The following CNTN4 variants were observed in gnomAD, a reference collection of about 807,000 sequenced individuals.
CNTN4 encodes the protein contactin-4.
A neutral mutation model predicts 122.5 loss-of-function variants in CNTN4; 77 were observed. The ratio of observed to expected loss-of-function variants is 0.63; its 90% confidence interval spans 0.52 to 0.76. CNTN4 has a LOEUF of 0.76. Among genes scored for constraint, CNTN4 ranks in the 30% least tolerant of loss-of-function variants. The probability of loss-of-function intolerance (pLI) is 0.00; values close to 1 mark genes in which losing one functional copy is unlikely to be tolerated. For synonymous variants in CNTN4, 512 were observed against 447.0 expected, an observed-to-expected ratio of 1.15 and a Z score of -1.83; for missense variants, 1,256 against 1,259.1, an observed-to-expected ratio of 1.00 and a Z score of 0.04.
At chr3:2,347,558 C>A (rs954887829) in intron 3 of CNTN4, among the ~76,000 whole-genome samples, 2 of 151,932 alleles carry the variant, frequency 1.3e-5, no homozygotes, top group Non-Finnish European at 2.9e-5. Flanking sequence ...TACAGGTGCC[C>A]ATCATCACAC....
At chr3:2,406,920 T>C (rs912988398) in intron 3 of CNTN4, among the ~76,000 whole-genome samples, 5 of 152,190 alleles carry the variant, frequency 3.3e-5, no homozygotes, top group Non-Finnish European at 5.9e-5. Context: ...AAATATGATA[T>C]AGCAGGTAAA....
intron 2 of CNTN4, among the ~76,000 whole-genome samples, chr3:2,138,617 AG>A (rs2034828710): frequency 6.6e-6 from 1 of 152,166 alleles, no homozygotes; most frequent in African/African-American, 2.4e-5. Context: ...AAAATACCGA[AG>A]GGGAAAAATT....
At chr3:2,987,521 A>G (rs1330647391) in intron 13 of CNTN4, among the ~76,000 whole-genome samples, 1 of 152,232 alleles carries the variant, frequency 6.6e-6, no homozygotes, top group Non-Finnish European at 1.5e-5. Flanking sequence ...CTGAAATAAA[A>G]GAGAAATTTA....
At chr3:2,708,273 C>G (rs777714478) in intron 4 of CNTN4, among the ~76,000 whole-genome samples, 19 of 152,096 alleles carry the variant, frequency 1.2e-4, no homozygotes, top group Non-Finnish European at 2.4e-4. Context: ...GACAAGATAT[C>G]TTCATTTGCT....
intron 2 of CNTN4, among the ~76,000 whole-genome samples, chr3:2,179,807 C>T (rs1215599647): frequency 6.6e-6 from 1 of 151,734 alleles, no homozygotes; most frequent in Non-Finnish European, 1.5e-5. Context: ...ATGTGAGCTA[C>T]GTAGCCAAAT....
At chr3:2,161,274 T>C (rs566010638) in intron 2 of CNTN4, among the ~76,000 whole-genome samples, 1 of 152,252 alleles carries the variant, frequency 6.6e-6, no homozygotes, top group African/African-American at 2.4e-5. Flanking sequence ...TAGGCCATGT[T>C]AAGTTTTCTG....
chr3:2,560,006 G>A (rs2078883201), intron 3 of CNTN4, among the ~76,000 whole-genome samples: 1 of 152,136 alleles, frequency 6.6e-6, no homozygotes, highest in African/African-American at 2.4e-5. Flanking sequence ...AATACATAAT[G>A]GCACAGGATC....
intron 2 of CNTN4, among the ~76,000 whole-genome samples, chr3:2,134,547 G>C (rs1176400306): frequency 6.6e-6 from 1 of 152,296 alleles, no homozygotes; most frequent in Non-Finnish European, 1.5e-5. Flanking sequence ...TATGTCCTCA[G>C]TTTTCTTGAT....
chr3:2,840,885 C>T (rs1190596756), intron 7 of CNTN4, among the ~76,000 whole-genome samples: 1 of 151,918 alleles, frequency 6.6e-6, no homozygotes, highest in Non-Finnish European at 1.5e-5. Context: ...AAGTGAAAGG[C>T]TTGCATAAGG....
At chr3:2,522,197 T>A (rs1559633431) in intron 3 of CNTN4, among the ~76,000 whole-genome samples, 2 of 148,798 alleles carry the variant, frequency 1.3e-5, no homozygotes, top group African/African-American at 4.9e-5. Flanking sequence ...GTGTGAATAA[T>A]TAATATGAAA....
intron 13 of CNTN4, among the ~76,000 whole-genome samples, chr3:2,932,395 TA>T (rs1161348177): frequency 6.6e-6 from 1 of 151,908 alleles, no homozygotes; most frequent in African/African-American, 2.4e-5. Flanking sequence ...AAATAAAAAA[TA>T]AAAAATAAGT....
At chr3:2,833,353 C>G (rs2093144089) in intron 7 of CNTN4, among the ~76,000 whole-genome samples, 1 of 152,096 alleles carries the variant, frequency 6.6e-6, no homozygotes, top group South Asian at 2.1e-4. Context: ...ATAAGCATGG[C>G]TAACTAGGTA....
intron 4 of CNTN4, among the ~76,000 whole-genome samples, chr3:2,605,525 A>G (rs1031020709): frequency 2.0e-5 from 3 of 151,990 alleles, no homozygotes; most frequent in African/African-American, 7.3e-5. Flanking sequence ...CTCTGTGGAG[A>G]ATAATCTATA....
intron 19 of CNTN4, 47 bp from the exon 20 acceptor site, chr3:3,039,990 G>C: frequency 1.5e-6 from 2 of 1,321,120 alleles, no homozygotes; most frequent in Non-Finnish European, 2.2e-6. Flanking sequence ...TTTTGCATTT[G>C]AGTGAAACTA....
intron 2 of CNTN4, among the ~76,000 whole-genome samples, chr3:2,323,671 G>T (rs961180413): frequency 6.6e-6 from 1 of 151,996 alleles, no homozygotes; most frequent in African/African-American, 2.4e-5. Flanking sequence ...GGCAGAATTT[G>T]GTCAAAGCAA....
intron 3 of CNTN4, among the ~76,000 whole-genome samples, chr3:2,374,523 T>C (rs1052842812): frequency 1.3e-5 from 2 of 152,216 alleles, no homozygotes; most frequent in African/African-American, 4.8e-5. Context: ...AGAAGTCCTC[T>C]GCATTTTCAC....
intron 4 of CNTN4, among the ~76,000 whole-genome samples, chr3:2,710,637 A>G (rs2087088461): frequency 6.6e-6 from 1 of 152,160 alleles, no homozygotes; most frequent in African/African-American, 2.4e-5. Flanking sequence ...AATTTTAGAT[A>G]TGATTTTATT....
At chr3:2,395,046 C>A (rs112973416) in intron 3 of CNTN4, among the ~76,000 whole-genome samples, 2,161 of 152,192 alleles carry the variant, frequency 0.014, 47 homozygotes, top group South Asian at 0.059. Context: ...CTTGGCCTCC[C>A]AAAGTGCTGG....
intron 2 of CNTN4, among the ~76,000 whole-genome samples, chr3:2,333,637 G>T (rs1411752232): frequency 2.0e-5 from 3 of 152,172 alleles, no homozygotes; most frequent in Non-Finnish European, 2.9e-5. Flanking sequence ...GATCTCTGTG[G>T]TTGATAGTAT....
Sources: allele counts gnomAD v4.1 joint callset (sites outside exome capture counted in the v4.1 genomes callset), GRCh38; gene constraint gnomAD v4.1.1; transcripts MANE v1.5; gene names NCBI Gene and HGNC (gene_info 2026-07-23, HGNC 2026-07-21).